BRIP1: variants seen among roughly 807,000 people sequenced by gnomAD.
BRIP1 encodes the protein BRCA1 interacting DNA helicase 1.
BRIP1 carries 88 observed loss-of-function variants against 119.7 expected under a neutral mutation model. The observed-to-expected ratio is 0.74, with a 90% confidence interval of 0.62 to 0.88. BRIP1 has a LOEUF of 0.88. Ranked by LOEUF, BRIP1 falls within the 40% of genes least tolerant of loss-of-function variation. The probability of loss-of-function intolerance (pLI) is 0.00; values close to 1 mark genes in which losing one functional copy is unlikely to be tolerated. For synonymous variants in BRIP1, 443 were observed against 496.5 expected, an observed-to-expected ratio of 0.89 and a Z score of 1.43; for missense variants, 1,259 against 1,455.4, an observed-to-expected ratio of 0.87 and a Z score of 2.20.
Position 61,681,756 on chromosome 17 carries a change from AGTTGTAACATCAAATGCTATAGAAACAG to A in BRIP1, c.*1512_*1539del, listed in dbSNP as rs1308063406. The A allele has an allele frequency of 5.0e-6, 1 of 198,350 alleles. No homozygotes were observed. The highest frequency in any genetic ancestry group is 1.0e-5 in the Non-Finnish European group (1 of 95,736). 12.3% of individuals were successfully genotyped at this position (198,350 alleles called of 1,614,324 possible). On this transcript the variant is annotated 3_prime_UTR_variant, in exon 20 of 20. Transcript: ENST00000259008. This position sits in a 1 kb window ranked among gnomAD's most constrained non-coding sequence, Gnocchi z 5.1. The stretch of plus-strand genomic sequence containing the variant: ...TTAAATGTCTTTGAACTACGCTTAG[AGTTGTAACATCAAATGCTATAGAAACAG>A]GCTGTAAAAATCTAAATGTCTCAAA...
At chr17:61,850,621 A>G (rs1283411059) in intron 4 of BRIP1, among the ~76,000 whole-genome samples, 1 of 151,742 alleles carries the variant, frequency 6.6e-6, no homozygotes, top group African/African-American at 2.4e-5. Flanking sequence ...TGAGCCCAGG[A>G]GTTCAAGACC....
chr17:61,760,315 A>G lies in BRIP1; in HGVS notation c.2098-15724T>C, dbSNP rs1351027951. On this transcript the variant is annotated intron_variant, in intron 14 of 19. Coordinates refer to ENST00000259008, the MANE Select transcript of BRIP1 (RefSeq NM_032043.3). This position sits in a 1 kb window ranked among gnomAD's most constrained non-coding sequence, Gnocchi z 4.6. Reference sequence around the variant, plus strand: ...GCAGCAAACGTAGTCCTAAGAGGAAAGTTTACAATAACAAATGCCTACATC... The same window carrying G: ...GCAGCAAACGTAGTCCTAAGAGGAAGGTTTACAATAACAAATGCCTACATC... 6.6e-6 allele frequency among the ~76,000 whole-genome samples: 1 copy of G among 151,974 alleles called. No homozygotes were observed. Among genetic ancestry groups the G allele is most frequent in the Non-Finnish European group, 1.5e-5 (1 of 67,896 alleles).
In BRIP1 at chr17:61,751,426, C is replaced by T. The variant is rs1334602575; in HGVS notation, c.2098-6835G>A. ...GATACTGGTGATGGTTGTACAACAT[C>T]ATGAATGTACTTGATGGCACTAAGT... is the stretch of plus-strand genomic sequence containing the variant. On this transcript the variant is annotated intron_variant, in intron 14 of 19. Coordinates refer to ENST00000259008, the MANE Select transcript of BRIP1 (RefSeq NM_032043.3). This position sits in a 1 kb window ranked among gnomAD's most constrained non-coding sequence, Gnocchi z 6.7. Among the ~76,000 whole-genome samples, 1 of 152,100 alleles carries T rather than the reference C, an allele frequency of 6.6e-6. No individual in the cohort carries two copies. Among genetic ancestry groups the T allele is most frequent in the Non-Finnish European group, 1.5e-5 (1 of 68,020 alleles).
At position 61,751,176 on chromosome 17, in the gene BRIP1, C is replaced by T. The variant is rs755561603; in HGVS notation, c.2098-6585G>A. On this transcript the variant is annotated intron_variant, in intron 14 of 19. Transcript: ENST00000259008. This position sits in a 1 kb window ranked among gnomAD's most constrained non-coding sequence, Gnocchi z 6.7. Reference sequence around the variant, plus strand: ...TAAAGGAATGAAATTCTGACAAATGCTTGAATATGGATAAACCCATAGTAA... The same window carrying T: ...TAAAGGAATGAAATTCTGACAAATGTTTGAATATGGATAAACCCATAGTAA... Among the ~76,000 whole-genome samples, 5 of 152,072 alleles carry T rather than the reference C, an allele frequency of 3.3e-5. No individual in the cohort carries two copies. Among genetic ancestry groups the T allele is most frequent in the African/African-American group, 9.7e-5 (4 of 41,408 alleles).
Position 61,795,978 on chromosome 17 carries a change from G to GT in BRIP1, c.1341-2250dup. ...TGGGGTGAGGTGATATCTCATTGTA[G>GT]TTTTGATCAGCAGAGAAATGCTGAT... On this transcript the variant is annotated intron_variant, in intron 9 of 19. Transcript: ENST00000259008. The surrounding 1 kb of genome is among the most constrained non-coding windows in gnomAD (Gnocchi z 5.6). 6.6e-6 allele frequency among the ~76,000 whole-genome samples: 1 copy of GT among 152,156 alleles called. No individual in the cohort carries two copies. Among genetic ancestry groups the GT allele is most frequent in the Middle Eastern group, 3.4e-3 (1 of 294 alleles).
Position 61,825,042 on chromosome 17 carries a change from T to C in BRIP1, c.628-16285A>G, listed in dbSNP as rs2078383583. 2.6e-5 allele frequency among the ~76,000 whole-genome samples: 4 copies of C among 151,866 alleles called. No homozygotes were observed. In the South Asian group the frequency reaches 8.3e-4, roughly 32 times the overall value. ...GGCTCACGCCTGTAATCCCAACACTTTGGGAGGCTGAGGCAGGCGGATCGC... is the reference window on the plus strand; with the variant it reads ...GGCTCACGCCTGTAATCCCAACACTCTGGGAGGCTGAGGCAGGCGGATCGC... On this transcript the variant is annotated intron_variant, in intron 6 of 19. Transcript: ENST00000259008. This position sits in a 1 kb window ranked among gnomAD's most constrained non-coding sequence, Gnocchi z 4.1.
Position 61,731,936 on chromosome 17 carries a change from T to A in BRIP1, c.2379+11077A>T, listed in dbSNP as rs558558873. On this transcript the variant is annotated intron_variant, in intron 16 of 19. Coordinates refer to ENST00000259008, the MANE Select transcript of BRIP1 (RefSeq NM_032043.3). ...ATTAAAAAAAAAAAAGGTTGCTTTA[T>A]TATTCTGAATAGTTGCTTTTTTTCT... Among the ~76,000 whole-genome samples the A allele has an allele frequency of 2.6e-5, 4 of 151,534 alleles. No individual in the cohort carries two copies. The East Asian group carries it at 7.7e-4, about 29-fold the overall frequency.
intron 10 of BRIP1, among the ~76,000 whole-genome samples, chr17:61,787,336 A>T (rs2077740497): frequency 8.0e-6 from 1 of 125,730 alleles, no homozygotes; most frequent in African/African-American, 3.1e-5. Flanking sequence ...AATATATAAA[A>T]ATATATAAAA....
chr17:61,830,243 T>A (rs2078471355), intron 6 of BRIP1, among the ~76,000 whole-genome samples: 1 of 149,778 alleles, frequency 6.7e-6, no homozygotes, highest in Non-Finnish European at 1.5e-5. Flanking sequence ...CAAGTTTCAA[T>A]CTTATGAAGC....
rs1403658615 is a variant in BRIP1, at chr17:61,682,151, C to CT, written c.*1144dup. 5.0e-6 allele frequency: 1 copy of CT among 201,264 alleles called. No individual in the cohort carries two copies. Among genetic ancestry groups the CT allele is most frequent in the Non-Finnish European group, 1.0e-5 (1 of 97,994 alleles). 12.5% of individuals were successfully genotyped at this position (201,264 alleles called of 1,614,324 possible). A position where few individuals can be genotyped will look rare whatever the true frequency, so the allele number is the denominator to read the frequency against. ...CTAAGGAAACATATTTTAGCTGCAG[C>CT]TATAAATGTGGGTTTGCTTATCAAA... is the stretch of plus-strand genomic sequence containing the variant. On this transcript the variant is annotated 3_prime_UTR_variant, in exon 20 of 20. Transcript: ENST00000259008. This position sits in a 1 kb window ranked among gnomAD's most constrained non-coding sequence, Gnocchi z 4.9.
chr17:61,695,411 G>GA lies in BRIP1; in HGVS notation c.2493-1900dup, dbSNP rs2061505979. Reference sequence around the variant, plus strand: ...GTAGCTTTGTAGTAAGTTTGAAATAGAAAACTGTTTGTTCTCCTAGTATGT... The same window carrying GA: ...GTAGCTTTGTAGTAAGTTTGAAATAGAAAAACTGTTTGTTCTCCTAGTATGT... On this transcript the variant is annotated intron_variant, in intron 17 of 19. Coordinates refer to ENST00000259008, the MANE Select transcript of BRIP1 (RefSeq NM_032043.3). The surrounding 1 kb of genome is among the most constrained non-coding windows in gnomAD (Gnocchi z 4.3). Among the ~76,000 whole-genome samples the GA allele has an allele frequency of 6.6e-6, 1 of 152,094 alleles. No individual in the cohort carries two copies. Among genetic ancestry groups the GA allele is most frequent in the South Asian group, 2.1e-4 (1 of 4,832 alleles).
intron 17 of BRIP1, among the ~76,000 whole-genome samples, chr17:61,711,890 A>G (rs2061782633): frequency 6.6e-6 from 1 of 151,674 alleles, no homozygotes; most frequent in African/African-American, 2.4e-5. Context: ...AATAATAATA[A>G]AAACAAAAAT....
At chr17:61,800,529 CT>C (rs2077974163) in intron 8 of BRIP1, among the ~76,000 whole-genome samples, 1 of 152,026 alleles carries the variant, frequency 6.6e-6, no homozygotes, top group Non-Finnish European at 1.5e-5. Flanking sequence ...TGAGTGTAAG[CT>C]TAAGAAATAT....
At position 61,815,415 on chromosome 17, in the gene BRIP1, A is replaced by C. The variant is rs912105607; in HGVS notation, c.628-6658T>G. Reference sequence around the variant, plus strand: ...AGAATTTATATCTGGTTTTTTAACGAAAATCAAATGGAAACAACATTTTCT... The same window carrying C: ...AGAATTTATATCTGGTTTTTTAACGCAAATCAAATGGAAACAACATTTTCT... On this transcript the variant is annotated intron_variant, in intron 6 of 19. Transcript: ENST00000259008. This position sits in a 1 kb window ranked among gnomAD's most constrained non-coding sequence, Gnocchi z 4.1. 2.6e-5 allele frequency among the ~76,000 whole-genome samples: 4 copies of C among 152,306 alleles called. No individual in the cohort carries two copies. The highest frequency in any genetic ancestry group is 9.6e-5 in the African/African-American group (4 of 41,576).
rs1359937262 is a variant in BRIP1, at chr17:61,710,876, A to G, written c.2492+5075T>C. 6.6e-6 allele frequency among the ~76,000 whole-genome samples: 1 copy of G among 152,056 alleles called. No individual in the cohort carries two copies. The highest frequency in any genetic ancestry group is 2.4e-5 in the African/African-American group (1 of 41,396). The stretch of plus-strand genomic sequence containing the variant: ...TCCATCATGGTGAAACCCCGTCTCT[A>G]CTAAAAATATAAAAATTAGCTGGGC... On this transcript the variant is annotated intron_variant, in intron 17 of 19. Transcript: ENST00000259008. The surrounding 1 kb of genome is among the most constrained non-coding windows in gnomAD (Gnocchi z 5.4).
chr17:61,697,580 A>G (rs556678410), intron 17 of BRIP1, among the ~76,000 whole-genome samples: 35 of 152,120 alleles, frequency 2.3e-4, no homozygotes, highest in African/African-American at 8.4e-4. Flanking sequence ...GTCTTGGTAC[A>G]GGTCTGTCAA....
rs1028112086 is a variant in BRIP1, at chr17:61,798,275, G to A, written c.1340+825C>T. Among the ~76,000 whole-genome samples, 4 of 151,692 alleles carry A rather than the reference G, an allele frequency of 2.6e-5. No homozygotes were observed. Among genetic ancestry groups the A allele is most frequent in the Admixed American group, 2.0e-4 (3 of 15,224 alleles). On this transcript the variant is annotated intron_variant, in intron 9 of 19. Coordinates refer to ENST00000259008, the MANE Select transcript of BRIP1 (RefSeq NM_032043.3). This position sits in a 1 kb window ranked among gnomAD's most constrained non-coding sequence, Gnocchi z 5.5. The stretch of plus-strand genomic sequence containing the variant: ...AGGTCTCCAAAATACACTGGGAATT[G>A]AAAAAAGCAAGTTGCAGAAAAATGT...
chr17:61,858,636 G>T (rs1377849846), intron 3 of BRIP1, among the ~76,000 whole-genome samples: 1 of 152,114 alleles, frequency 6.6e-6, no homozygotes, highest in East Asian at 1.9e-4. Context: ...GCCTCCCAAA[G>T]TGCTGGGATT....
chr17:61,716,502 A>G (rs1383524114), intron 16 of BRIP1, among the ~76,000 whole-genome samples: 1 of 152,070 alleles, frequency 6.6e-6, no homozygotes, highest in African/African-American at 2.4e-5. Context: ...AGAATTTCAT[A>G]TAAATATTAT....
Sources: allele counts gnomAD v4.1 joint callset (sites outside exome capture counted in the v4.1 genomes callset), GRCh38; gene constraint gnomAD v4.1.1; non-coding constraint Gnocchi (gnomAD v3.1); transcripts MANE v1.5; gene names NCBI Gene and HGNC (gene_info 2026-07-23, HGNC 2026-07-21).